Variants in DMD observed in about 807,000 individuals in gnomAD.
DMD encodes mutant dystrophin.
Under a neutral mutation model 330.1 loss-of-function variants are expected in DMD, and 63 were observed. That is an observed-to-expected ratio of 0.19 (90% CI 0.16 to 0.24). The LOEUF (loss-of-function observed/expected upper bound fraction) is 0.24. Among genes scored for constraint, DMD ranks in the 10% least tolerant of loss-of-function variants. DMD has a pLI of 1.00. For synonymous variants in DMD, 1,223 were observed against 959.8 expected, an observed-to-expected ratio of 1.27 and a Z score of -5.07; for missense variants, 3,344 against 2,684.1, an observed-to-expected ratio of 1.25 and a Z score of -5.43.
chrX:33,019,809 C>G (rs1364604877), intron 2 of DMD, among the ~76,000 whole-genome samples: 1 of 111,306 alleles, frequency 9.0e-6, no homozygotes, highest in Non-Finnish European at 1.9e-5. Flanking sequence ...ACAAAATTCC[C>G]TCATATCTTC....
intron 11 of DMD, among the ~76,000 whole-genome samples, chrX:32,622,355 T>C (rs1366094112): frequency 8.9e-6 from 1 of 112,045 alleles, no homozygotes; most frequent in Non-Finnish European, 1.9e-5. Context: ...GAAAGGATTC[T>C]GAGATGTTTT....
At chrX:31,606,604 C>T (rs2077623501) in intron 55 of DMD, among the ~76,000 whole-genome samples, 1 of 111,806 alleles carries the variant, frequency 8.9e-6, no homozygotes, top group African/African-American at 3.2e-5. Context: ...GATCACTGCA[C>T]TAAAACCCAC....
chrX:32,404,467 GA>G (rs1277124383), intron 30 of DMD, among the ~76,000 whole-genome samples: 4 of 111,339 alleles, frequency 3.6e-5, no homozygotes, highest in East Asian at 2.8e-4. Context: ...ACAAAAAAAT[GA>G]GATCAGAATT....
intron 11 of DMD, among the ~76,000 whole-genome samples, chrX:32,631,726 G>A (rs1443361378): frequency 1.8e-5 from 2 of 110,987 alleles, no homozygotes; most frequent in East Asian, 2.9e-4. Flanking sequence ...AACTGGATCT[G>A]ACAAGAATTC....
At position 32,248,093 on chromosome X, in the gene DMD, A is replaced by G. The variant is rs180911502; in HGVS notation, c.6291-31030T>C. On this transcript the variant is annotated intron_variant, in intron 43 of 78. Coordinates refer to ENST00000357033, the MANE Select transcript of DMD (RefSeq NM_004006.3). ...CTAATTATTTGAGCTGTTTCTTTTC[A>G]TAAGTGATTGTGGTCAGCCAAAATT... 6.9e-3 allele frequency among the ~76,000 whole-genome samples: 773 copies of G among 111,964 alleles called. 5 individuals carry two copies. The highest frequency in any genetic ancestry group is 0.023 in the African/African-American group (721 of 30,923).
chrX:33,233,631 C>T (rs2052426960), intron 1 of DMD, among the ~76,000 whole-genome samples: 1 of 111,735 alleles, frequency 8.9e-6, no homozygotes, highest in African/African-American at 3.3e-5. Flanking sequence ...TAATGGTTGC[C>T]ACATGTTAGG....
chrX:32,437,161 A>T (rs1343230940), intron 29 of DMD, among the ~76,000 whole-genome samples: 3 of 112,104 alleles, frequency 2.7e-5, no homozygotes, highest in Non-Finnish European at 3.8e-5. Flanking sequence ...CAGATCCAGC[A>T]ATAGTGCAAC....
rs963334851 is a variant in DMD at position 31,894,381 on chromosome X, T to C, written c.6913-19008A>G. 3.6e-5 allele frequency among the ~76,000 whole-genome samples: 4 copies of C among 111,676 alleles called. No homozygotes were observed. In the South Asian group the frequency reaches 1.5e-3, roughly 41 times the overall value. On this transcript the variant is annotated intron_variant, in intron 47 of 78. Coordinates refer to ENST00000357033, the MANE Select transcript of DMD (RefSeq NM_004006.3). The stretch of plus-strand genomic sequence containing the variant: ...ATGGGCTTTGCGAGTGGGGCTCATC[T>C]CTTGGCTCTGGCTAAGTATGCAGCT...
chrX:31,656,023 TA>T (rs764813521), intron 54 of DMD, among the ~76,000 whole-genome samples: 1 of 112,096 alleles, frequency 8.9e-6, no homozygotes, highest in East Asian at 2.8e-4. Flanking sequence ...TCTACATGTC[TA>T]AAACTCAAAA....
At chrX:32,730,263 T>C (rs1473192250) in intron 7 of DMD, among the ~76,000 whole-genome samples, 3 of 112,333 alleles carry the variant, frequency 2.7e-5, no homozygotes, top group African/African-American at 6.5e-5. Context: ...GAAGGATCAC[T>C]TGACTCAGGA....
At chrX:33,114,734 G>A (rs990909973) in intron 1 of DMD, among the ~76,000 whole-genome samples, 2 of 106,933 alleles carry the variant, frequency 1.9e-5, no homozygotes, top group East Asian at 2.8e-4. Flanking sequence ...TTTTTTCATA[G>A]ATAGTAACAC....
At position 32,735,636 on chromosome X, in the gene DMD, G is replaced by C. The variant is rs1375246171; in HGVS notation, c.650-36343C>G. 3.6e-5 allele frequency among the ~76,000 whole-genome samples: 4 copies of C among 111,198 alleles called. No individual in the cohort carries two copies. The Admixed American group carries it at 3.8e-4, about 11-fold the overall frequency. ...GCATATCTACCACTATCTGATCTTT[G>C]ACAAACCTGAGAAAAACAAGCAATG... On this transcript the variant is annotated intron_variant, in intron 7 of 78. Coordinates refer to ENST00000357033, the MANE Select transcript of DMD (RefSeq NM_004006.3).
chrX:31,844,699 CT>C (rs758368822), intron 48 of DMD, among the ~76,000 whole-genome samples: 2 of 111,529 alleles, frequency 1.8e-5, no homozygotes, highest in South Asian at 7.5e-4. Context: ...TCTATGGTTT[CT>C]TTCAGCAGTG....
chrX:31,228,430 G>A, intron 63 of DMD, among the ~76,000 whole-genome samples: 1 of 110,799 alleles, frequency 9.0e-6, no homozygotes, highest in Non-Finnish European at 1.9e-5. Flanking sequence ...AACTGCCTGT[G>A]TTGTTTGAGT....
At chrX:32,495,718 A>G (rs2043428491) in intron 19 of DMD, among the ~76,000 whole-genome samples, 1 of 111,756 alleles carries the variant, frequency 8.9e-6, no homozygotes, top group South Asian at 3.7e-4. Context: ...TATTATATAT[A>G]ATTGTTTTAT....
intron 2 of DMD, among the ~76,000 whole-genome samples, chrX:32,977,428 G>T (rs1025250818): frequency 9.0e-6 from 1 of 111,464 alleles, no homozygotes. Context: ...GACTGTGGCC[G>T]ACTTGGTTCT....
At chrX:32,502,257 G>T (rs1364172225) in intron 18 of DMD, among the ~76,000 whole-genome samples, 1 of 110,948 alleles carries the variant, frequency 9.0e-6, no homozygotes, top group African/African-American at 3.3e-5. Flanking sequence ...TGAGAATCCA[G>T]TATGTATATA....
intron 1 of DMD, among the ~76,000 whole-genome samples, chrX:33,221,754 C>A (rs2052184901): frequency 9.0e-6 from 1 of 110,571 alleles, no homozygotes. Flanking sequence ...CAATTCTTCA[C>A]ATAAGTATTT....
In DMD at chrX:31,929,673, C is replaced by A. The variant is rs752561170; in HGVS notation, c.6835G>T (p.Val2279Leu). The A allele has an allele frequency of 4.1e-6, 5 of 1,209,390 alleles. No homozygotes were observed. Among genetic ancestry groups the A allele is most frequent in the South Asian group, 3.5e-5 (2 of 56,808 alleles). Reference protein sequence around the residue: ...QLNETGGPVLVSAPISPEEQD... With the variant: ...QLNETGGPVLLSAPISPEEQD... Reference sequence around the variant, plus strand: ...TCTTCTGGGCTTATGGGAGCACTTACAAGCACGGGTCCTCCAGTTTCATTT... The same window carrying A: ...TCTTCTGGGCTTATGGGAGCACTTAAAAGCACGGGTCCTCCAGTTTCATTT... Residue 2279 changes from valine to leucine, a missense_variant, in exon 47 of 79, where the codon GTA becomes TTA. Transcript: ENST00000357033.
Sources: gnomAD v4.1 joint callset for allele counts (sites outside exome capture counted in the v4.1 genomes callset) on GRCh38, gnomAD v4.1.1 for gene constraint, MANE v1.5 for transcripts, NCBI Gene and HGNC (gene_info 2026-07-23, HGNC 2026-07-21) for gene names.